OPCML: variants seen among roughly 807,000 people sequenced by gnomAD.
OPCML encodes opioid-binding protein/cell adhesion molecule.
In OPCML, 13 loss-of-function variants were observed where a neutral mutation model predicts 37.8. The ratio of observed to expected loss-of-function variants is 0.34; its 90% CI spans 0.22 to 0.55. The LOEUF (loss-of-function observed/expected upper bound fraction) is 0.55. OPCML is among the 20% of genes least tolerant of loss of function. The pLI is 0.91. For synonymous variants in OPCML, 176 were observed against 168.8 expected (o/e 1.04, Z -0.33); for missense variants, 341 against 435.6 (o/e 0.78, Z 1.93).
intron 1 of OPCML, among the ~76,000 whole-genome samples, chr11:133,344,466 T>C (rs1042861821): frequency 1.3e-5 from 2 of 152,084 alleles, no homozygotes; most frequent in African/African-American, 4.8e-5. Context: ...ATTGGACAAA[T>C]CCTGTTGCGT....
chr11:133,362,992 A>G (rs558320381), intron 1 of OPCML, among the ~76,000 whole-genome samples: 27 of 152,322 alleles, frequency 1.8e-4, no homozygotes, highest in African/African-American at 5.8e-4. Context: ...ACATTCCCAT[A>G]GGGCAGCTTA....
intron 2 of OPCML, among the ~76,000 whole-genome samples, chr11:132,668,308 G>A (rs577878778): frequency 1.3e-4 from 20 of 152,140 alleles, no homozygotes; most frequent in African/African-American, 4.8e-4. Flanking sequence ...TGTATAAATC[G>A]AGCATTATAG....
intron 1 of OPCML, among the ~76,000 whole-genome samples, chr11:133,028,737 G>A (rs549445868): frequency 4.8e-4 from 73 of 152,064 alleles, no homozygotes; most frequent in Middle Eastern, 3.4e-3. Flanking sequence ...TTAAAGGTAA[G>A]ACTTCAAAAT....
chr11:132,446,144 T>C (rs937427409), intron 4 of OPCML, among the ~76,000 whole-genome samples: 3 of 143,860 alleles, frequency 2.1e-5, no homozygotes, highest in African/African-American at 8.0e-5. Flanking sequence ...ATGGGTTCAT[T>C]ATGTGTGGGA....
intron 1 of OPCML, among the ~76,000 whole-genome samples, chr11:133,095,404 T>C (rs1486132003): frequency 3.4e-5 from 5 of 146,654 alleles, no homozygotes; most frequent in Non-Finnish European, 7.4e-5. Flanking sequence ...CAGGTTTGAG[T>C]TATGGGAAGG....
At chr11:132,987,098 C>T (rs1052010101) in intron 1 of OPCML, among the ~76,000 whole-genome samples, 1 of 152,128 alleles carries the variant, frequency 6.6e-6, no homozygotes, top group African/African-American at 2.4e-5. Context: ...CTTTCGACAA[C>T]ACTTCCTGAC....
At chr11:132,539,076 C>G (rs575846019) in intron 3 of OPCML, among the ~76,000 whole-genome samples, 1 of 152,176 alleles carries the variant, frequency 6.6e-6, no homozygotes, top group African/African-American at 2.4e-5. Flanking sequence ...ATGAGCCAGA[C>G]GTTACATTGG....
intron 1 of OPCML, among the ~76,000 whole-genome samples, chr11:133,157,339 C>T (rs1440691854): frequency 6.6e-6 from 1 of 152,176 alleles, no homozygotes; most frequent in African/African-American, 2.4e-5. Context: ...CAGGCAGCTG[C>T]AGTCGGAGCT....
chr11:132,528,944 T>TTTGATTTTCTA (rs1273409134), intron 4 of OPCML, 117 bp downstream of exon 4: 1 of 632,908 alleles, frequency 1.6e-6, no homozygotes, highest in Non-Finnish European at 2.8e-6. Flanking sequence ...ATATTGCCTG[T>TTTGATTTTCTA]TTGATTTTCT....
chr11:132,856,042 G>A (rs1274590215), intron 2 of OPCML, among the ~76,000 whole-genome samples: 2 of 152,136 alleles, frequency 1.3e-5, no homozygotes, highest in Non-Finnish European at 2.9e-5. Context: ...CTTCTCTAAG[G>A]AGGAGTGCTT....
At chr11:132,672,024 C>G (rs957293249) in intron 2 of OPCML, among the ~76,000 whole-genome samples, 1 of 152,070 alleles carries the variant, frequency 6.6e-6, no homozygotes, top group African/African-American at 2.4e-5. Flanking sequence ...TGTAATGATT[C>G]TTTTGTAACA....
intron 1 of OPCML, among the ~76,000 whole-genome samples, chr11:133,483,585 G>T (rs1347329215): frequency 6.6e-6 from 1 of 151,470 alleles, no homozygotes; most frequent in Non-Finnish European, 1.5e-5. Flanking sequence ...TGATAGATTA[G>T]ATAGATTCAT....
At chr11:132,548,209 G>A (rs549271430) in intron 3 of OPCML, among the ~76,000 whole-genome samples, 5 of 152,308 alleles carry the variant, frequency 3.3e-5, no homozygotes, top group East Asian at 1.9e-4. Flanking sequence ...AGCTTGGTGG[G>A]CAGGGTGCAG....
chr11:132,438,421 A>G (rs1459483874), intron 4 of OPCML, among the ~76,000 whole-genome samples: 1 of 152,244 alleles, frequency 6.6e-6, no homozygotes, highest in Non-Finnish European at 1.5e-5. Flanking sequence ...TTGTGCAAGC[A>G]TGTTCTAATC....
intron 1 of OPCML, among the ~76,000 whole-genome samples, chr11:133,473,696 G>T (rs534406814): frequency 2.0e-5 from 3 of 152,284 alleles, no homozygotes; most frequent in African/African-American, 7.2e-5. Flanking sequence ...CTGGGCCCCT[G>T]CCTATTTCTT....
chr11:132,652,518 C>A (rs1310593454), intron 3 of OPCML, among the ~76,000 whole-genome samples: 1 of 152,138 alleles, frequency 6.6e-6, no homozygotes, highest in Admixed American at 6.5e-5. Context: ...GTTCAAGACC[C>A]AGCTCTGCTA....
intron 2 of OPCML, among the ~76,000 whole-genome samples, chr11:132,755,589 C>G (rs554186234): frequency 5.3e-4 from 80 of 152,220 alleles, no homozygotes; most frequent in Non-Finnish European, 1.0e-3. Context: ...TTAATATATT[C>G]TAAGTGAAAA....
In OPCML at chr11:133,181,931, G is replaced by T. The variant is rs574202756; in HGVS notation, c.62-238921C>A. Reference sequence around the variant, plus strand: ...CTCCTCCAACATCTGCCTGCACGGTGCAGCTTCTCTTCCAATCTGCCTTCA... The same window carrying T: ...CTCCTCCAACATCTGCCTGCACGGTTCAGCTTCTCTTCCAATCTGCCTTCA... On this transcript the variant is annotated intron_variant, in intron 1 of 7. Coordinates refer to ENST00000524381, the MANE Select transcript of OPCML (RefSeq NM_001012393.5). Among the ~76,000 whole-genome samples, 11 of 152,282 alleles carry T rather than the reference G, an allele frequency of 7.2e-5. No homozygotes were observed. In the South Asian group the frequency reaches 2.3e-3, roughly 32 times the overall value.
At chr11:133,011,780 C>T (rs1174237598) in intron 1 of OPCML, among the ~76,000 whole-genome samples, 2 of 152,146 alleles carry the variant, frequency 1.3e-5, no homozygotes, top group African/African-American at 4.8e-5. Flanking sequence ...CATTTAACCA[C>T]ACCTAGCCCA....
Sources: allele counts gnomAD v4.1 joint callset (sites outside exome capture counted in the v4.1 genomes callset), GRCh38; gene constraint gnomAD v4.1.1; transcripts MANE v1.5; gene names NCBI Gene and HGNC (gene_info 2026-07-23, HGNC 2026-07-21).